Variants in NRSN2 observed in about 807,000 individuals in gnomAD.
The protein encoded by NRSN2 is neurensin-2.
Under a neutral mutation model 11.1 loss-of-function variants are expected in NRSN2, and 10 were observed. The observed-to-expected ratio is 0.90, with a 90% CI of 0.56 to 1.53. NRSN2 has a LOEUF of 1.53. Among genes scored for constraint, NRSN2 ranks in the 40% most tolerant of loss-of-function variants. The pLI, the probability that NRSN2 is intolerant of heterozygous loss-of-function variation, is 0.00. For missense variants in NRSN2, 260 were observed against 273.7 expected (o/e 0.95, Z 0.35); for synonymous variants, 100 against 117.0 (o/e 0.86, Z 0.94).
intron 4 of NRSN2, among the ~76,000 whole-genome samples, chr20:350,646 C>CAAAAAAAAAAAAAAAAA (rs56188179): frequency 2.5e-5 from 1 of 39,400 alleles, no homozygotes; most frequent in Non-Finnish European, 4.0e-5. Context: ...GACTCTGTCT[C>CAAAAAAAAAAAAAAAAA]AAAAAAAAAA....
intron 4 of NRSN2, among the ~76,000 whole-genome samples, chr20:352,571 C>T (rs1002126251): frequency 2.6e-5 from 4 of 152,208 alleles, no homozygotes; most frequent in African/African-American, 4.8e-5. Flanking sequence ...TCCCTGTCTT[C>T]GAGGAACTCT....
chr20:349,610 C>CGTCA, intron 3 of NRSN2, 28 bp from the exon 4 acceptor site: 1 of 1,576,874 alleles, frequency 6.3e-7, no homozygotes, highest in Non-Finnish European at 8.6e-7. Flanking sequence ...TCCCTCCCTC[C>CGTCA]GTCAGCTGCA....
At position 349,472 on chromosome 20, in the gene NRSN2, A is replaced by G. The variant is rs565689782; in HGVS notation, c.-7+109A>G. The stretch of plus-strand genomic sequence containing the variant: ...GGCTCATTCGCAGTGTGCTTTGGGA[A>G]GGACAGGCTGGGATTCCAAAAGGCC... On this transcript the variant is annotated intron_variant, in intron 3 of 4. Coordinates refer to ENST00000382285, the MANE Select transcript of NRSN2 (RefSeq NM_001323682.2). 1.2e-4 allele frequency: 68 copies of G among 571,040 alleles called. No individual in the cohort carries two copies. In the East Asian group the frequency reaches 1.8e-3, roughly 15 times the overall value. The allele number at this position is 571,040 out of a possible 1,614,324, so 35.4% of individuals were successfully genotyped here.
intron 3 of NRSN2, 81 bp from the exon 4 acceptor site, chr20:349,557 A>G: frequency 8.3e-7 from 1 of 1,207,066 alleles, no homozygotes; most frequent in Non-Finnish European, 1.2e-6. Flanking sequence ...GGGCACAAAG[A>G]TTTAGGGGGC....
rs1343664874 is a variant in NRSN2 at position 353,281 on chromosome 20, C to T, written c.261C>T (p.Pro87=). 8 of 1,613,966 alleles carry T rather than the reference C, an allele frequency of 5.0e-6. No individual in the cohort carries two copies. Among genetic ancestry groups the T allele is most frequent in the African/African-American group, 1.3e-5 (1 of 74,908 alleles). ...CTCTGACCACTGGCTATGCAGTGCCCCCCAAGCTGGAGGGCATCGGTGAGG... is the reference window on the plus strand; with the variant it reads ...CTCTGACCACTGGCTATGCAGTGCCTCCCAAGCTGGAGGGCATCGGTGAGG... The part of the protein sequence containing the change: ...VAALTTGYAV[P]PKLEGIGEGE... Residue 87 remains proline, a synonymous_variant, in exon 5 of 5, where the codon CCC becomes CCT. Coordinates refer to ENST00000382285, the MANE Select transcript of NRSN2 (RefSeq NM_001323682.2).
chr20:349,503 G>C, intron 3 of NRSN2, 135 bp from the exon 4 acceptor site: 1 of 652,734 alleles, frequency 1.5e-6, no homozygotes, highest in South Asian at 2.0e-5. Flanking sequence ...AGGCCAGACT[G>C]TGCTATGCGT....
Position 352,225 on chromosome 20 carries a change from G to A in NRSN2, c.190-985G>A, listed in dbSNP as rs35580346. Among the ~76,000 whole-genome samples, 833 of 152,226 alleles carry A rather than the reference G, an allele frequency of 5.5e-3. 2 individuals carry two copies. The highest frequency in any genetic ancestry group is 9.1e-3 in the Non-Finnish European group (620 of 68,030). ...TCTTTAACAGCCAAGGAGACTAGTC[G>A]GCCAGGGTGCACCAATGGGTCAAGG... is the stretch of plus-strand genomic sequence containing the variant. On this transcript the variant is annotated intron_variant, in intron 4 of 4. Transcript: ENST00000382285.
rs748150548 is a variant in NRSN2, at chr20:353,190, G to A, written c.190-20G>A. 10 of 1,609,890 alleles carry A rather than the reference G, an allele frequency of 6.2e-6. No homozygotes were observed. The African/African-American group carries it at 9.4e-5, about 15-fold the overall frequency. On this transcript the variant is annotated intron_variant, in intron 4 of 4. Transcript: ENST00000382285. ...CCTGGCTGACCCTGACTGCTTCCTG[G>A]TCTGTCTGCTTCTCCCTAGATCAGC...
chr20:351,446 A>G (rs2013964472), intron 4 of NRSN2, among the ~76,000 whole-genome samples: 1 of 152,114 alleles, frequency 6.6e-6, no homozygotes, highest in African/African-American at 2.4e-5. Flanking sequence ...AGCCAGGAGG[A>G]TCGTTTGAGC....
Position 354,452 on chromosome 20 carries a change from G to C in NRSN2, c.*817G>C, listed in dbSNP as rs2014233942. ...TCCCAGGTGGCTCTGGATATACTTT[G>C]GATATGGATTTAAATGGTCTCTAAG... On this transcript the variant is annotated 3_prime_UTR_variant, in exon 5 of 5. Coordinates refer to ENST00000382285, the MANE Select transcript of NRSN2 (RefSeq NM_001323682.2). The C allele has an allele frequency of 6.6e-6, 1 of 152,212 alleles. No homozygotes were observed. Among genetic ancestry groups the C allele is most frequent in the South Asian group, 2.1e-4 (1 of 4,822 alleles). 9.4% of individuals were successfully genotyped at this position (152,212 alleles called of 1,614,324 possible). A position where few individuals can be genotyped will look rare whatever the true frequency, so the allele number is the denominator to read the frequency against.
Position 353,339 on chromosome 20 carries a change from G to A in NRSN2, c.319G>A (p.Asp107Asn), listed in dbSNP as rs765498315. The change falls in exon 5 of 5, where the codon GAC (aspartate) becomes AAC (asparagine). Residue 107 changes from aspartate to asparagine, a missense_variant. By Grantham distance (23) the Asp-to-Asn change is conservative. Transcript: ENST00000382285. Reference protein sequence around the residue: ...EFLVLDQRAADYNQALGTCRL... With the variant: ...EFLVLDQRAANYNQALGTCRL... ...CCTGGTGTTGGATCAGCGGGCAGCC[G>A]ACTACAACCAGGCCCTGGGCACCTG... The A allele has an allele frequency of 1.7e-5, 28 of 1,613,918 alleles. No homozygotes were observed. Among genetic ancestry groups the A allele is most frequent in the South Asian group, 1.5e-4 (14 of 91,072 alleles).
In NRSN2 at chr20:353,670, C is replaced by T. The variant is rs762169844; in HGVS notation, c.*35C>T. On this transcript the variant is annotated 3_prime_UTR_variant, in exon 5 of 5. Coordinates refer to ENST00000382285, the MANE Select transcript of NRSN2 (RefSeq NM_001323682.2). ...ATGGCCTAAGATGTGGGTCCTGGAT[C>T]CTTCCCCCCTTCTCACCATAACCCC... is the stretch of plus-strand genomic sequence containing the variant. 2 of 1,476,342 alleles carry T rather than the reference C, an allele frequency of 1.4e-6. No homozygotes were observed. The highest frequency in any genetic ancestry group is 2.5e-5 in the African/African-American group (1 of 40,754). The allele number at this position is 1,476,342 out of a possible 1,614,324, so 91.5% of individuals were successfully genotyped here.
At position 347,505 on chromosome 20, in the gene NRSN2, G is replaced by C. The variant is rs1457519966; in HGVS notation, c.-129G>C. 3.3e-5 allele frequency: 5 copies of C among 152,356 alleles called. No homozygotes were observed. Among genetic ancestry groups the C allele is most frequent in the Non-Finnish European group, 7.3e-5 (5 of 68,200 alleles). 9.4% of individuals were successfully genotyped at this position (152,356 alleles called of 1,614,324 possible). A position where few individuals can be genotyped will look rare whatever the true frequency, so the allele number is the denominator to read the frequency against. ...GTGGTCCTGTCAGGAAGAGTGGCGC[G>C]GGTGCCGGTGGGGAAGGGAGGCGGG... On this transcript the variant is annotated 5_prime_UTR_variant, in exon 2 of 5. Coordinates refer to ENST00000382285, the MANE Select transcript of NRSN2 (RefSeq NM_001323682.2). The surrounding 1 kb of genome is among the most constrained non-coding windows in gnomAD (Gnocchi z 7.0).
At position 347,725 on chromosome 20, in the gene NRSN2, T is replaced by C. The variant is rs1400451297; in HGVS notation, c.-122+213T>C. Among the ~76,000 whole-genome samples, 1 of 152,016 alleles carries C rather than the reference T, an allele frequency of 6.6e-6. No individual in the cohort carries two copies. The highest frequency in any genetic ancestry group is 1.5e-5 in the Non-Finnish European group (1 of 67,994). On this transcript the variant is annotated intron_variant, in intron 2 of 4. Transcript: ENST00000382285. This position sits in a 1 kb window ranked among gnomAD's most constrained non-coding sequence, Gnocchi z 7.0. ...CCCTGGCTTCCGTCACTTCCGCCCG[T>C]GCCTGCCGCCCCTCGCCTCCTCCCT... is the stretch of plus-strand genomic sequence containing the variant.
rs6084179 is a variant in NRSN2 at position 353,329 on chromosome 20, G to A, written c.309G>A (p.Gln103=). 15 of 1,613,964 alleles carry A rather than the reference G, an allele frequency of 9.3e-6. No homozygotes were observed. In the African/African-American group the frequency reaches 1.5e-4, roughly 16 times the overall value. Residue 103 remains glutamine (Q), a synonymous_variant, in exon 5 of 5, where the codon CAG becomes CAA. Transcript: ENST00000382285. The part of the protein sequence containing the change: ...IGEGEFLVLD[Q]RAADYNQALG... ...AGGGTGAGTTCCTGGTGTTGGATCA[G>A]CGGGCAGCCGACTACAACCAGGCCC...
At chr20:350,615 T>C (rs1246663204) in intron 4 of NRSN2, among the ~76,000 whole-genome samples, 1 of 110,804 alleles carries the variant, frequency 9.0e-6, no homozygotes, top group Non-Finnish European at 1.7e-5. Flanking sequence ...ACCATTGCAC[T>C]CCAGCTGGGC....
rs140239696 is a variant in NRSN2 at position 352,750 on chromosome 20, A to C, written c.190-460A>C. Among the ~76,000 whole-genome samples, 245 of 152,296 alleles carry C rather than the reference A, an allele frequency of 1.6e-3. 1 individual carries two copies. Among genetic ancestry groups the C allele is most frequent in the African/African-American group, 5.6e-3 (233 of 41,564 alleles). ...AGACGTCACTTACATAGCAACCAAA[A>C]TACATGTCCAAGTGTGCACAATGGT... On this transcript the variant is annotated intron_variant, in intron 4 of 4. Transcript: ENST00000382285.
In NRSN2 at chr20:353,192, C is replaced by A; in HGVS notation, c.190-18C>A. The A allele has an allele frequency of 6.2e-7, 1 of 1,610,064 alleles. No individual in the cohort carries two copies. Among genetic ancestry groups the A allele is most frequent in the South Asian group, 1.1e-5 (1 of 90,616 alleles). ...TGGCTGACCCTGACTGCTTCCTGGT[C>A]TGTCTGCTTCTCCCTAGATCAGCCT... On this transcript the variant is annotated intron_variant, in intron 4 of 4. Coordinates refer to ENST00000382285, the MANE Select transcript of NRSN2 (RefSeq NM_001323682.2).
chr20:349,565 G>A (rs2013750403), intron 3 of NRSN2, 73 bp from the exon 4 acceptor site: 1 of 1,252,696 alleles, frequency 8.0e-7, no homozygotes, highest in South Asian at 1.4e-5. Flanking sequence ...AGATTTAGGG[G>A]GCTTATGAAG....
Sources: allele counts gnomAD v4.1 joint callset (sites outside exome capture counted in the v4.1 genomes callset), GRCh38; gene constraint gnomAD v4.1.1; non-coding constraint Gnocchi (gnomAD v3.1); transcripts MANE v1.5; gene names NCBI Gene and HGNC (gene_info 2026-07-23, HGNC 2026-07-21).